The following PARP4 variants were observed in gnomAD, a reference collection of about 807,000 sequenced individuals.
PARP4 encodes the protein poly(ADP-ribose) polymerase family member 4.
Under a neutral mutation model 187.7 loss-of-function variants are expected in PARP4, and 120 were observed. The observed-to-expected ratio is 0.64, with a 90% CI of 0.55 to 0.74. The LOEUF (loss-of-function observed/expected upper bound fraction) is 0.74. Ranked by LOEUF, PARP4 falls within the 30% of genes least tolerant of loss-of-function variation. The probability of loss-of-function intolerance (pLI) is 0.00; values close to 1 mark genes in which losing one functional copy is unlikely to be tolerated. For synonymous variants in PARP4, 654 were observed against 740.9 expected, an observed-to-expected ratio of 0.88 and a Z score of 1.90; for missense variants, 1,836 against 2,070.5, an observed-to-expected ratio of 0.89 and a Z score of 2.20.
chr13:24,501,274 A>G (rs1270320250), intron 3 of PARP4, among the ~76,000 whole-genome samples: 1 of 152,338 alleles, frequency 6.6e-6, no homozygotes, highest in Non-Finnish European at 1.5e-5. Flanking sequence ...TTTTGTTTGG[A>G]AAGAATTTCT....
Position 24,435,236 on chromosome 13 carries a change from A to C in PARP4, c.3905T>G (p.Phe1302Cys). The C allele has an allele frequency of 6.2e-7, 1 of 1,614,092 alleles. No individual in the cohort carries two copies. Among genetic ancestry groups the C allele is most frequent in the East Asian group, 2.2e-5 (1 of 44,880 alleles). ...SCKPTATEPL[F>C]KKVSPWETST... ...TGTTTCCCATGGACTGACTTTCTTA[A>C]ATAGTGGTTCAGTTGCTGTTGGTTT... Residue 1302 changes from phenylalanine to cysteine, a missense_variant, in exon 31 of 34, where the codon TTT becomes TGT. Phe to Cys is a radical substitution (Grantham distance 205). Coordinates refer to ENST00000381989, the MANE Select transcript of PARP4 (RefSeq NM_006437.4).
At chr13:24,430,382 G>A (rs1353297782) in intron 32 of PARP4, among the ~76,000 whole-genome samples, 9 of 152,134 alleles carry the variant, frequency 5.9e-5, no homozygotes, top group Admixed American at 5.2e-4. Flanking sequence ...GCTGAGCATG[G>A]TGGCTCATGC....
intron 6 of PARP4, 119 bp from the exon 7 acceptor site, chr13:24,494,841 G>T (rs967837783): frequency 1.2e-5 from 7 of 606,294 alleles, no homozygotes; most frequent in Non-Finnish European, 1.9e-5. Context: ...TTTTTTCAAA[G>T]AATTACTTAA....
intron 33 of PARP4, among the ~76,000 whole-genome samples, chr13:24,425,713 T>C (rs1870018154): frequency 6.6e-6 from 1 of 152,044 alleles, no homozygotes; most frequent in African/African-American, 2.4e-5. Flanking sequence ...TCCTCCTTTT[T>C]AGACCCTGCA....
chr13:24,449,180 A>C (rs564753325), intron 25 of PARP4, among the ~76,000 whole-genome samples: 62 of 152,228 alleles, frequency 4.1e-4, no homozygotes, highest in African/African-American at 1.3e-3. Flanking sequence ...TGAGGTCAGG[A>C]GATCAAGACC....
At chr13:24,468,381 T>C (rs1423475389) in intron 17 of PARP4, among the ~76,000 whole-genome samples, 1 of 149,644 alleles carries the variant, frequency 6.7e-6, no homozygotes, top group East Asian at 2.0e-4. Flanking sequence ...TTCAGGAAAA[T>C]TGTAAATATA....
rs33930012 is a variant in PARP4, at chr13:24,457,770, CAAAAA to C, written c.2424+1269_2424+1273del. ...TGGGAAACAGAGTAAGACTCTGTCTCAAAAAAAAAAAAAAAAAAAAAAAAAAGAAA... is the reference window on the plus strand; with the variant it reads ...TGGGAAACAGAGTAAGACTCTGTCTCAAAAAAAAAAAAAAAAAAAAAGAAA... On this transcript the variant is annotated intron_variant, in intron 20 of 33. Transcript: ENST00000381989. Among the ~76,000 whole-genome samples the C allele has an allele frequency of 2.4e-3, 209 of 85,644 alleles. 1 individual carries two copies. The highest frequency in any genetic ancestry group is 9.9e-3 in the African/African-American group (197 of 19,938). 56.2% of individuals were successfully genotyped at this position (85,644 alleles called of 152,430 possible).
At position 24,446,704 on chromosome 13, in the gene PARP4, C is replaced by A; in HGVS notation, c.3343G>T (p.Glu1115Ter). 6.3e-7 allele frequency: 1 copy of A among 1,596,426 alleles called. No individual in the cohort carries two copies. Among genetic ancestry groups the A allele is most frequent in the South Asian group, 1.1e-5 (1 of 90,684 alleles). The change falls in exon 27 of 34, where the codon GAG becomes TAG. Residue 1115 changes from glutamate (E) to a stop codon, truncating the protein, a stop_gained. Transcript: ENST00000381989. LOFTEE classifies it high-confidence loss of function. ...ACAGTTCCAGTTGTCTTCTGAAGCT[C>A]AGTAGTCGACACCATTGTACGAAAT... ...KEFRTMVSTT[E>*]LQKTTGTMIH...
At chr13:24,479,383 GCTCT>G (rs572172541) in intron 12 of PARP4, among the ~76,000 whole-genome samples, 178 of 152,228 alleles carry the variant, frequency 1.2e-3, no homozygotes, top group South Asian at 1.7e-3. Context: ...TCTCCCTGGA[GCTCT>G]CTCTATTCCT....
At chr13:24,451,538 C>T (rs757398301) in intron 24 of PARP4, among the ~76,000 whole-genome samples, 2 of 152,102 alleles carry the variant, frequency 1.3e-5, no homozygotes, top group African/African-American at 2.4e-5. Flanking sequence ...GTGCTGGCTC[C>T]TGGAGCTCAG....
At chr13:24,424,221 T>C (rs981575950) in intron 33 of PARP4, among the ~76,000 whole-genome samples, 11 of 152,234 alleles carry the variant, frequency 7.2e-5, no homozygotes, top group African/African-American at 2.7e-4. Flanking sequence ...TCATAAAATA[T>C]CCAGGTAGTG....
Position 24,455,030 on chromosome 13 carries a change from G to A in PARP4, c.2745C>T (p.Ile915=). ...LVGEKQKVNI[I]QFGTGYKELF... is the part of the protein sequence containing the mutation. ...AAGCGCACTCACCTGTGCCGAACTG[G>A]ATAATATTTACTTTCTGCTTCTCAC... is the stretch of plus-strand genomic sequence containing the variant. The change falls in exon 22 of 34, where the codon ATC becomes ATT. Residue 915 remains isoleucine, a synonymous_variant. Coordinates refer to ENST00000381989, the MANE Select transcript of PARP4 (RefSeq NM_006437.4). The A allele has an allele frequency of 6.2e-7, 1 of 1,606,476 alleles. No homozygotes were observed. Among genetic ancestry groups the A allele is most frequent in the South Asian group, 1.1e-5 (1 of 90,678 alleles).
intron 32 of PARP4, among the ~76,000 whole-genome samples, chr13:24,431,086 G>A (rs78498757): frequency 9.9e-5 from 15 of 152,000 alleles, no homozygotes; most frequent in Middle Eastern, 3.2e-3. Context: ...ACTGTGATAC[G>A]GACAAAAAAG....
chr13:24,459,116 A>G lies in PARP4; in HGVS notation c.2352T>C (p.Ser784=). 6.2e-7 allele frequency: 1 copy of G among 1,605,518 alleles called. No homozygotes were observed. Among genetic ancestry groups the G allele is most frequent in the Middle Eastern group, 1.7e-4 (1 of 6,028 alleles). ...IKEIGTKQSF[S]LTMSIEMPYV... ...ACGGCATCTCAATAGACATAGTCAA[A>G]GAGAAGCTAGCAAAAATGAAGAGAA... The change falls in exon 20 of 34, where the codon TCT becomes TCC. Residue 784 remains serine (S), a synonymous_variant. Coordinates refer to ENST00000381989, the MANE Select transcript of PARP4 (RefSeq NM_006437.4).
chr13:24,451,325 A>G (rs141873618), intron 24 of PARP4, among the ~76,000 whole-genome samples: 46 of 152,336 alleles, frequency 3.0e-4, no homozygotes, highest in African/African-American at 9.9e-4. Flanking sequence ...CAGGCTGGAT[A>G]TATTTCTTCA....
Position 24,469,898 on chromosome 13 carries a change from C to T in PARP4, c.2042G>A (p.Gly681Glu), listed in dbSNP as rs200487314. ...EAFINGKHIV[G>E]EIKEKEEAQQ... ...CGATGCATCTTCTTGCCTTACCTCT[C>T]CAACTATGTGCTTCCCATTGATGAA... The change falls in exon 16 of 34, where the codon GGA (glycine) becomes GAA (glutamate). Residue 681 changes from glycine to glutamate, a missense_variant. By Grantham distance (98) the Gly-to-Glu change is moderately conservative. Around this residue, in one of 8 missense-constraint regions of PARP4, gnomAD observed 1,147 missense variants for 1,214.2 expected, o/e 0.94. Transcript: ENST00000381989. The T allele has an allele frequency of 1.4e-5, 23 of 1,613,078 alleles. No individual in the cohort carries two copies. The East Asian group carries it at 4.5e-4, about 31-fold the overall frequency.
intron 1 of PARP4, among the ~76,000 whole-genome samples, chr13:24,506,315 A>T (rs1869669989): frequency 6.6e-6 from 1 of 152,106 alleles, no homozygotes; most frequent in African/African-American, 2.4e-5. Context: ...TCCGCGATTT[A>T]AAGGCAGTGC....
rs544037664 is a variant in PARP4 at position 24,426,331 on chromosome 13, C to T, written c.4979+135G>A. ...CCACAGGAGACTATGGGCAAGCTGT[C>T]ACCTGCAAACAAATTCTCTTGCTAC... is the stretch of plus-strand genomic sequence containing the variant. On this transcript the variant is annotated intron_variant, in intron 33 of 33. Coordinates refer to ENST00000381989, the MANE Select transcript of PARP4 (RefSeq NM_006437.4). 5 of 675,054 alleles carry T rather than the reference C, an allele frequency of 7.4e-6. No individual in the cohort carries two copies. In the South Asian group the frequency reaches 1.1e-4, roughly 15 times the overall value. 41.8% of individuals were successfully genotyped at this position (675,054 alleles called of 1,614,324 possible).
chr13:24,456,759 G>T (rs1048491136), intron 20 of PARP4, among the ~76,000 whole-genome samples: 7 of 151,972 alleles, frequency 4.6e-5, no homozygotes, highest in African/African-American at 1.5e-4. Flanking sequence ...AATTAGCTGG[G>T]CGTAATGGTG....
Sources: gnomAD v4.1 joint callset for allele counts (sites outside exome capture counted in the v4.1 genomes callset) on GRCh38, gnomAD v4.1.1 for gene constraint, gnomAD v4.1.1 regional missense constraint, MANE v1.5 for transcripts, NCBI Gene and HGNC (gene_info 2026-07-23, HGNC 2026-07-21) for gene names.